Variants in DNAH5 observed in about 807,000 individuals in gnomAD.
DNAH5 encodes the protein dynein axonemal heavy chain 5.
In DNAH5, 372 loss-of-function variants were observed where a neutral mutation model predicts 518.2. The observed-to-expected ratio is 0.72, with a 90% CI of 0.66 to 0.78. The LOEUF (loss-of-function observed/expected upper bound fraction) is 0.78, where lower values mean the gene tolerates loss of function less well. Ranked by LOEUF, DNAH5 falls within the 30% of genes least tolerant of loss-of-function variation. The pLI is 0.00. For synonymous variants in DNAH5, 2,039 were observed against 2,025.9 expected, an observed-to-expected ratio of 1.01 and a Z score of -0.17; for missense variants, 5,523 against 5,687.0, an observed-to-expected ratio of 0.97 and a Z score of 0.93.
Position 13,811,817 on chromosome 5 carries a change from G to A in DNAH5, c.7237C>T (p.Leu2413Phe). Residue 2413 changes from leucine to phenylalanine, a missense_variant, in exon 44 of 79, where the codon CTT becomes TTT. By Grantham distance (22) the Leu-to-Phe change is conservative. Transcript: ENST00000265104. ...LDWSPILEGF[L>F]KKRSPQEAEI... ...GCTTCTTGAGGTGAGCGTTTCTTAA[G>A]AAAACCCTGTCAGTTCACAGACAAG... 2.5e-6 allele frequency: 4 copies of A among 1,614,076 alleles called. No individual in the cohort carries two copies. Among genetic ancestry groups the A allele is most frequent in the Non-Finnish European group, 3.4e-6 (4 of 1,179,992 alleles).
At position 13,734,534 on chromosome 5, in the gene DNAH5, G is replaced by A. The variant is rs191654128; in HGVS notation, c.11761+597C>T. Among the ~76,000 whole-genome samples the A allele has an allele frequency of 1.6e-4, 25 of 152,198 alleles. 1 individual carries two copies. Among genetic ancestry groups the A allele is most frequent in the East Asian group, 3.9e-4 (2 of 5,188 alleles). On this transcript the variant is annotated intron_variant, in intron 68 of 78. Coordinates refer to ENST00000265104, the MANE Select transcript of DNAH5 (RefSeq NM_001369.3). ...GATGAGCTGCACAGGGTCTTCATCC[G>A]CTTCACTCATCACCCAGTCACTTTG...
intron 1 of DNAH5, among the ~76,000 whole-genome samples, chr5:13,960,748 C>G (rs1220200972): frequency 1.3e-5 from 2 of 152,210 alleles, no homozygotes; most frequent in Non-Finnish European, 2.9e-5. Flanking sequence ...CAGTATCCCT[C>G]CTCCCACACC....
rs3734110 is a variant in DNAH5, at chr5:13,701,427, T to C, written c.13348A>G (p.Ile4450Val). The C allele has an allele frequency of 0.54, 861,079 of 1,602,296 alleles. 233,685 individuals carry two copies. Among genetic ancestry groups the C allele is most frequent in the Non-Finnish European group, 0.55 (646,132 of 1,169,808 alleles). Residue 4450 changes from isoleucine to valine, a missense_variant, in exon 77 of 79, where the codon ATT becomes GTT. By Grantham distance (29) the Ile-to-Val change is conservative. This residue lies in a region of DNAH5 where 387 missense variants were observed against 430.0 expected (regional missense o/e 0.90). Transcript: ENST00000265104. ...IPAWWKKASWISSTLGFWFTE... is the reference protein window; with the variant it reads ...IPAWWKKASWVSSTLGFWFTE... ...AACCAGAAACCCAGTGTACTAGAAA[T>C]CCAAGAAGCCTGCAATGAAGACATT...
At chr5:13,719,207 T>A in intron 71 of DNAH5, 106 bp from the exon 72 acceptor site, 1 of 914,748 alleles carries the variant, frequency 1.1e-6, no homozygotes, top group Non-Finnish European at 1.7e-6. Flanking sequence ...AGGAAAACAC[T>A]AACCATTTTA....
intron 70 of DNAH5, among the ~76,000 whole-genome samples, chr5:13,722,680 C>T (rs1270651097): frequency 6.6e-6 from 1 of 152,130 alleles, no homozygotes; most frequent in Non-Finnish European, 1.5e-5. Flanking sequence ...CATGAGAGTG[C>T]AAAACACAAA....
rs753763187 is a variant in DNAH5 at position 13,708,328 on chromosome 5, T to G, written c.13133A>C (p.Glu4378Ala). Reference protein sequence around the residue: ...PPDYVPFEVKERLQKMGPFQP... With the variant: ...PPDYVPFEVKARLQKMGPFQP... ...GAATGGCCCCATCTTCTGCAGCCTC[T>G]CTTTTACCTGCCATGGAGACATTCA... The change falls in exon 76 of 79, where the codon GAG (glutamate) becomes GCG (alanine). Residue 4378 changes from glutamate (E) to alanine (A), a missense_variant. Coordinates refer to ENST00000265104, the MANE Select transcript of DNAH5 (RefSeq NM_001369.3). 6.2e-7 allele frequency: 1 copy of G among 1,613,980 alleles called. No individual in the cohort carries two copies. Among genetic ancestry groups the G allele is most frequent in the Non-Finnish European group, 8.5e-7 (1 of 1,179,990 alleles).
At chr5:13,929,488 T>A (rs1445785211) in intron 2 of DNAH5, among the ~76,000 whole-genome samples, 1 of 147,996 alleles carries the variant, frequency 6.8e-6, no homozygotes, top group Non-Finnish European at 1.5e-5. Context: ...TTTTATGTTA[T>A]GTGTATTTAC....
upstream of DNAH5, among the ~76,000 whole-genome samples, chr5:13,948,971 G>T (rs1279676946): frequency 6.6e-6 from 1 of 152,100 alleles, no homozygotes; most frequent in African/African-American, 2.4e-5. Context: ...CTCCTCTAGA[G>T]AAATCCTGGT....
intron 78 of DNAH5, among the ~76,000 whole-genome samples, chr5:13,695,238 G>A (rs148089583): frequency 1.3e-4 from 20 of 152,298 alleles, no homozygotes; most frequent in East Asian, 7.7e-4. Context: ...AGAACAACCC[G>A]AGTATCCTGG....
intron 8 of DNAH5, among the ~76,000 whole-genome samples, chr5:13,916,937 GTAGAC>G (rs1158476871): frequency 6.6e-6 from 1 of 152,120 alleles, no homozygotes; most frequent in Admixed American, 6.6e-5. Context: ...TAGATAGGAG[GTAGAC>G]TGCTTAGAGA....
chr5:13,704,500 T>A (rs922097969), intron 76 of DNAH5, among the ~76,000 whole-genome samples: 3 of 152,250 alleles, frequency 2.0e-5, no homozygotes, highest in Non-Finnish European at 4.4e-5. Context: ...GTAAATGTTC[T>A]CTAATCTGCA....
intron 53 of DNAH5, among the ~76,000 whole-genome samples, chr5:13,778,015 T>A (rs1330237902): frequency 6.6e-6 from 1 of 152,174 alleles, no homozygotes; most frequent in Non-Finnish European, 1.5e-5. Context: ...GAGTGCTACA[T>A]TATGCCAAAA....
Position 13,735,850 on chromosome 5 carries a change from C to G in DNAH5, c.11538G>C (p.Gln3846His), listed in dbSNP as rs1169115118. The change falls in exon 67 of 79, where the codon CAG becomes CAC. Residue 3846 changes from glutamine (Q) to histidine (H), a missense_variant. Transcript: ENST00000265104. ...VNEMYQTSLR[Q>H]FLGLFDLSLA... ...AGGAAAGGTCAAATAAGCCCAGAAA[C>G]TGGCGAAGCGAAGTCTGATACATCT... 6.2e-7 allele frequency: 1 copy of G among 1,614,084 alleles called. No individual in the cohort carries two copies. The highest frequency in any genetic ancestry group is 2.2e-5 in the East Asian group (1 of 44,892).
At chr5:13,881,566 GA>G (rs1771684466) in intron 21 of DNAH5, among the ~76,000 whole-genome samples, 1 of 151,892 alleles carries the variant, frequency 6.6e-6, no homozygotes, top group African/African-American at 2.4e-5. Flanking sequence ...ATATGCTTCT[GA>G]AAAAAACTTC....
At chr5:13,997,377 T>G (rs1784043873) in intron 1 of DNAH5, among the ~76,000 whole-genome samples, 1 of 152,202 alleles carries the variant, frequency 6.6e-6, no homozygotes, top group Admixed American at 6.5e-5. Context: ...GCCAAATTCT[T>G]TGTCACTTTA....
At chr5:13,751,364 G>T in intron 64 of DNAH5, 104 bp from the exon 65 acceptor site, 1 of 1,146,162 alleles carries the variant, frequency 8.7e-7, no homozygotes, top group Non-Finnish European at 1.3e-6. Flanking sequence ...CATAATTGGA[G>T]ATCATTTGTA....
At chr5:13,876,087 C>CT (rs989803245) in intron 22 of DNAH5, among the ~76,000 whole-genome samples, 9 of 152,014 alleles carry the variant, frequency 5.9e-5, no homozygotes, top group African/African-American at 2.2e-4. Flanking sequence ...GGTTTTAAAT[C>CT]TTTTTGTCTG....
At chr5:13,830,420 A>G (rs1050023174) in intron 36 of DNAH5, among the ~76,000 whole-genome samples, 177 bp downstream of exon 36, 4 of 152,230 alleles carry the variant, frequency 2.6e-5, no homozygotes, top group African/African-American at 4.8e-5. Context: ...AATATCAAAA[A>G]AAAGTCAGGA....
intron 65 of DNAH5, among the ~76,000 whole-genome samples, chr5:13,750,011 C>T (rs1480425799): frequency 6.6e-6 from 1 of 152,078 alleles, no homozygotes; most frequent in Admixed American, 6.6e-5. Context: ...CAGCTTCCAA[C>T]TTTATGACTC....
Sources: gnomAD v4.1 joint callset for allele counts (sites outside exome capture counted in the v4.1 genomes callset) on GRCh38, gnomAD v4.1.1 for gene constraint, gnomAD v4.1.1 regional missense constraint, MANE v1.5 for transcripts, NCBI Gene and HGNC (gene_info 2026-07-23, HGNC 2026-07-21) for gene names.